The following RAB37 variants were observed in gnomAD, a reference collection of about 807,000 sequenced individuals.
The protein encoded by RAB37 is ras-related protein Rab-37.
RAB37 carries 29 observed loss-of-function variants against 33.1 expected under a neutral mutation model. That is an observed-to-expected ratio of 0.88 (90% confidence interval 0.65 to 1.20). RAB37 has a LOEUF of 1.20. Ranked by LOEUF, RAB37 falls within the 50% of genes most tolerant of loss-of-function variation. The pLI is 0.00. For synonymous variants in RAB37, 128 were observed against 119.5 expected (o/e 1.07, Z -0.47); for missense variants, 299 against 301.1 (o/e 0.99, Z 0.05).
chr17:74,697,804 CA>C (rs2032640408), intron 1 of RAB37, among the ~76,000 whole-genome samples: 1 of 152,144 alleles, frequency 6.6e-6, no homozygotes, highest in African/African-American at 2.4e-5. Context: ...AAGGGAGGGA[CA>C]GAAGGAAAGG....
At position 74,708,743 on chromosome 17, in the gene RAB37, T is replaced by C. The variant is rs111871159; in HGVS notation, c.73-20513T>C. The stretch of plus-strand genomic sequence containing the variant: ...CATCCTGGCTAACACGGTGAAACCC[T>C]GTCTCTACTAAAAATACAAAAAATT... On this transcript the variant is annotated intron_variant, in intron 1 of 7. Coordinates refer to the RAB37 transcript ENST00000340415. 3.5e-3 allele frequency among the ~76,000 whole-genome samples: 533 copies of C among 150,850 alleles called. 2 individuals carry two copies. The highest frequency in any genetic ancestry group is 0.027 in the South Asian group (129 of 4,750).
chr17:74,696,508 C>T (rs2032492190), intron 1 of RAB37, among the ~76,000 whole-genome samples: 1 of 152,236 alleles, frequency 6.6e-6, no homozygotes, highest in African/African-American at 2.4e-5. Context: ...CAGCCATCGG[C>T]TCCCCTGGGA....
chr17:74,738,286 C>T lies in RAB37; in HGVS notation c.93+921C>T, dbSNP rs2034528598. Among the ~76,000 whole-genome samples the T allele has an allele frequency of 6.6e-6, 1 of 152,216 alleles. No homozygotes were observed. Among genetic ancestry groups the T allele is most frequent in the African/African-American group, 2.4e-5 (1 of 41,466 alleles). On this transcript the variant is annotated intron_variant, in intron 1 of 8. Transcript: ENST00000392613. The surrounding 1 kb of genome is among the most constrained non-coding windows in gnomAD (Gnocchi z 5.0). ...TTCCTCCCCGACACCAGGGCTCACC[C>T]TTGCTGGGAGCCTCAGCCTCCACCC...
At chr17:74,704,767 C>T in intron 1 of RAB37, 1 of 1,614,130 alleles carries the variant, frequency 6.2e-7, no homozygotes. Flanking sequence ...AGCCCCGCTC[C>T]AAGCCATTCA....
chr17:74,714,219 T>A (rs1389130959), intron 1 of RAB37, among the ~76,000 whole-genome samples: 1 of 151,700 alleles, frequency 6.6e-6, no homozygotes, highest in Admixed American at 6.6e-5. Flanking sequence ...TCAAAAATAA[T>A]AACAATAATA....
chr17:74,671,486 T>G lies in RAB37; in HGVS notation c.-101T>G, dbSNP rs2031703796. ...ACGGATGCGGCCCGGCCCGCAGAGC[T>G]CAGACCCAAGCCTGCCGCACCCAGC... On this transcript the variant is annotated 5_prime_UTR_variant, in exon 1 of 8. Coordinates refer to the RAB37 transcript ENST00000340415. The surrounding 1 kb of genome is among the most constrained non-coding windows in gnomAD (Gnocchi z 5.0). The G allele has an allele frequency of 1.7e-6, 2 of 1,145,460 alleles. No homozygotes were observed. The highest frequency in any genetic ancestry group is 1.3e-6 in the Non-Finnish European group (1 of 774,206). 71.0% of individuals were successfully genotyped at this position (1,145,460 alleles called of 1,614,324 possible).
At chr17:74,687,234 A>G (rs1034182738) in intron 1 of RAB37, among the ~76,000 whole-genome samples, 5 of 150,120 alleles carry the variant, frequency 3.3e-5, no homozygotes, top group Admixed American at 3.3e-4. Context: ...TTATTTATTT[A>G]TTTATTTGAG....
At chr17:74,726,736 A>G (rs541902029) in intron 1 of RAB37, among the ~76,000 whole-genome samples, 1 of 152,304 alleles carries the variant, frequency 6.6e-6, no homozygotes, top group Non-Finnish European at 1.5e-5. Context: ...ATTCCCTTCC[A>G]TGTCACTGCC....
intron 1 of RAB37, among the ~76,000 whole-genome samples, chr17:74,728,096 G>A (rs2034328593): frequency 1.3e-5 from 2 of 152,068 alleles, no homozygotes; most frequent in African/African-American, 4.8e-5. Context: ...GTTTCTGTGT[G>A]TGTGCATGTG....
chr17:74,741,126 T>C (rs2034604842), intron 2 of RAB37, among the ~76,000 whole-genome samples: 2 of 152,044 alleles, frequency 1.3e-5, no homozygotes, highest in South Asian at 4.1e-4. Flanking sequence ...GCTCCATTCC[T>C]GGGGGACTTC....
intron 1 of RAB37, among the ~76,000 whole-genome samples, chr17:74,699,302 A>T (rs1016284111): frequency 6.6e-6 from 1 of 152,152 alleles, no homozygotes; most frequent in Admixed American, 6.5e-5. Flanking sequence ...ATTGTAGGGC[A>T]GCAGACTCCT....
At position 74,742,444 on chromosome 17, in the gene RAB37, A is replaced by G. The variant is rs868611887; in HGVS notation, c.246+149A>G. 53 of 625,890 alleles carry G rather than the reference A, an allele frequency of 8.5e-5. No homozygotes were observed. The Middle Eastern group carries it at 4.6e-3, about 54-fold the overall frequency. 38.8% of individuals were successfully genotyped at this position (625,890 alleles called of 1,614,324 possible). On this transcript the variant is annotated intron_variant, in intron 3 of 8. Coordinates refer to ENST00000392613, the MANE Select transcript of RAB37 (RefSeq NM_001006638.3). The surrounding 1 kb of genome is among the most constrained non-coding windows in gnomAD (Gnocchi z 4.0). ...AGGAAATGGCTTTTGTTTATTTGAC[A>G]TCTGCAGAAAAAGCAGTTCCCAGGC...
chr17:74,727,581 A>G (rs1014335169), intron 1 of RAB37, among the ~76,000 whole-genome samples: 2 of 152,210 alleles, frequency 1.3e-5, no homozygotes, highest in African/African-American at 4.8e-5. Flanking sequence ...TTGGCTGGTA[A>G]TTGCCTGTAG....
At chr17:74,701,572 T>A (rs1021281320) in intron 1 of RAB37, among the ~76,000 whole-genome samples, 4 of 151,978 alleles carry the variant, frequency 2.6e-5, no homozygotes, top group Non-Finnish European at 5.9e-5. Context: ...AAAAGAAAAA[T>A]AGGGACAAAG....
chr17:74,678,536 C>A (rs1036396352), intron 1 of RAB37, among the ~76,000 whole-genome samples: 1 of 152,172 alleles, frequency 6.6e-6, no homozygotes, highest in East Asian at 1.9e-4. Flanking sequence ...ACAGTTTCTA[C>A]CCATCAACAT....
At chr17:74,734,969 A>ACAAG, upstream of RAB37, among the ~76,000 whole-genome samples, 1 of 144,418 alleles carries the variant, frequency 6.9e-6, no homozygotes, top group African/African-American at 2.7e-5. Flanking sequence ...GAAAGAAAGA[A>ACAAG]AAAGAAAGAA....
At chr17:74,673,808 A>G (rs373494687) in intron 1 of RAB37, among the ~76,000 whole-genome samples, 39 of 152,250 alleles carry the variant, frequency 2.6e-4, no homozygotes, top group African/African-American at 8.7e-4. Context: ...CCAGCCTTAA[A>G]CCTTCTGTGG....
At chr17:74,734,836 C>T (rs1187257582), upstream of RAB37, among the ~76,000 whole-genome samples, 1 of 146,152 alleles carries the variant, frequency 6.8e-6, no homozygotes, top group Non-Finnish European at 1.5e-5. Context: ...TGACAGAGCT[C>T]CACCTCAAGA....
intron 1 of RAB37, among the ~76,000 whole-genome samples, chr17:74,712,568 G>T (rs2034045477): frequency 6.6e-6 from 1 of 152,220 alleles, no homozygotes; most frequent in Non-Finnish European, 1.5e-5. Context: ...GGCCGGCGGG[G>T]CCTACAGTCT....
Sources: gnomAD v4.1 joint callset for allele counts (sites outside exome capture counted in the v4.1 genomes callset) on GRCh38, gnomAD v4.1.1 for gene constraint, Gnocchi (gnomAD v3.1) non-coding constraint, MANE v1.5 for transcripts, NCBI Gene and HGNC (gene_info 2026-07-23, HGNC 2026-07-21) for gene names.